The following SLC6A4 variants were observed in gnomAD, a reference collection of about 807,000 sequenced individuals.
SLC6A4 encodes sodium-dependent serotonin transporter.
In SLC6A4, 22 loss-of-function variants were observed where a neutral mutation model predicts 73.4. The ratio of observed to expected loss-of-function variants is 0.30; its 90% CI spans 0.21 to 0.43. The LOEUF (loss-of-function observed/expected upper bound fraction) is 0.43. Among genes scored for constraint, SLC6A4 ranks in the 20% least tolerant of loss-of-function variants. The pLI, the probability that SLC6A4 is intolerant of heterozygous loss-of-function variation, is 1.00. For synonymous variants in SLC6A4, 270 were observed against 315.5 expected, an observed-to-expected ratio of 0.86 and a Z score of 1.53; for missense variants, 593 against 808.5, an observed-to-expected ratio of 0.73 and a Z score of 3.23.
In SLC6A4 at chr17:30,221,821, C is replaced by T. The variant is rs886052780; in HGVS notation, c.138G>A (p.Gly46=). The change falls in exon 3 of 15, where the codon GGG becomes GGA. Residue 46 remains glycine, a synonymous_variant. Coordinates refer to ENST00000650711, the MANE Select transcript of SLC6A4 (RefSeq NM_001045.6). ...CACCAGGACTTGGAACTGCTGAGTA[C>T]CCATTGGATATTTGCCCGGACTCCA... is the stretch of plus-strand genomic sequence containing the variant. ...DKVESGQISN[G]YSAVPSPGAG... is the part of the protein sequence containing the mutation. 1.9e-6 allele frequency: 3 copies of T among 1,614,188 alleles called. No homozygotes were observed. The highest frequency in any genetic ancestry group is 1.7e-6 in the Non-Finnish European group (2 of 1,180,036).
In SLC6A4 at chr17:30,218,290, A is replaced by G. The variant is rs752604553; in HGVS notation, c.526T>C (p.Tyr176His). 1 of 1,614,122 alleles carries G rather than the reference A, an allele frequency of 6.2e-7. No individual in the cohort carries two copies. Among genetic ancestry groups the G allele is most frequent in the Non-Finnish European group, 8.5e-7 (1 of 1,179,980 alleles). The change falls in exon 5 of 15, where the codon TAC becomes CAC. Residue 176 changes from tyrosine (Y) to histidine (H), a missense_variant. Coordinates refer to ENST00000650711, the MANE Select transcript of SLC6A4 (RefSeq NM_001045.6). The part of the protein sequence containing the change: ...CIIAFYIASY[Y>H]NTIMAWALYY... The stretch of plus-strand genomic sequence containing the variant: ...AGCGCCCAGGCCATGATGGTGTTGT[A>G]GTAGGAAGCAATGTAAAAGGCAATG...
At position 30,212,717 on chromosome 17, in the gene SLC6A4, C is replaced by T. The variant is rs756422354; in HGVS notation, c.1204+23G>A. On this transcript the variant is annotated intron_variant, in intron 9 of 14. Coordinates refer to ENST00000650711, the MANE Select transcript of SLC6A4 (RefSeq NM_001045.6). Reference sequence around the variant, plus strand: ...AAGCAACTCAGTAGGAGCAAGGGACCTGCATAGAACCCGAGGTCCTACCTG... The same window carrying T: ...AAGCAACTCAGTAGGAGCAAGGGACTTGCATAGAACCCGAGGTCCTACCTG... The T allele has an allele frequency of 2.5e-6, 4 of 1,612,856 alleles. No homozygotes were observed. The East Asian group carries it at 8.9e-5, about 36-fold the overall frequency.
chr17:30,205,521 C>G (rs1229423828), intron 13 of SLC6A4, among the ~76,000 whole-genome samples: 1 of 152,150 alleles, frequency 6.6e-6, no homozygotes, highest in Non-Finnish European at 1.5e-5. Flanking sequence ...TTCCAACAAC[C>G]CTCTCACTGA....
chr17:30,212,965 C>CA, intron 8 of SLC6A4, 98 bp from the exon 9 acceptor site: 1 of 1,332,052 alleles, frequency 7.5e-7, no homozygotes. Flanking sequence ...GACAGGGCGG[C>CA]CACAGCAAGG....
At chr17:30,205,101 G>A (rs2143013612) in intron 13 of SLC6A4, among the ~76,000 whole-genome samples, 1 of 152,320 alleles carries the variant, frequency 6.6e-6, no homozygotes, top group East Asian at 1.9e-4. Context: ...GAAGTACGAT[G>A]TACAAGTACA....
At chr17:30,221,562 C>T (rs562973706) in intron 3 of SLC6A4, 54 bp downstream of exon 3, 21 of 1,516,752 alleles carry the variant, frequency 1.4e-5, no homozygotes, top group Middle Eastern at 1.9e-4. Context: ...CAGCCCACTC[C>T]GGGTCACAGC....
intron 1 of SLC6A4, among the ~76,000 whole-genome samples, chr17:30,225,792 T>C (rs1906907028): frequency 6.6e-6 from 1 of 152,210 alleles, no homozygotes; most frequent in Non-Finnish European, 1.5e-5. Flanking sequence ...GGGGTGCAGT[T>C]GACCAGCCAA....
chr17:30,223,375 G>A (rs989202736), intron 1 of SLC6A4, among the ~76,000 whole-genome samples: 2 of 152,156 alleles, frequency 1.3e-5, no homozygotes, highest in African/African-American at 4.8e-5. Context: ...TAGAAATGGC[G>A]CATGGATGTC....
rs56245315 is a variant in SLC6A4, at chr17:30,224,739, G to A, written c.-220-1824C>T. ...AGTGAGCAGTTACCCTCCTGCCTCA[G>A]GGGCCAAATGATTTGTTCTGGATTT... On this transcript the variant is annotated intron_variant, in intron 1 of 14. Coordinates refer to ENST00000650711, the MANE Select transcript of SLC6A4 (RefSeq NM_001045.6). Among the ~76,000 whole-genome samples, 161 of 152,298 alleles carry A rather than the reference G, an allele frequency of 1.1e-3. No individual in the cohort carries two copies. The East Asian group carries it at 0.02, about 19-fold the overall frequency.
chr17:30,203,214 A>G lies in SLC6A4; in HGVS notation c.1776T>C (p.Tyr592=), dbSNP rs1906087695. 6.2e-7 allele frequency: 1 copy of G among 1,613,992 alleles called. No homozygotes were observed. The highest frequency in any genetic ancestry group is 8.5e-7 in the Non-Finnish European group (1 of 1,179,818). ...GTSSFICIPT[Y]IAYRLIITPG... ...GAGTGATGATCAACCGATAAGCTAT[A>G]TATGTGGGGATGCAAATGAAAGATG... Residue 592 remains tyrosine, a synonymous_variant, in exon 14 of 15, where the codon TAT becomes TAC. Coordinates refer to ENST00000650711, the MANE Select transcript of SLC6A4 (RefSeq NM_001045.6).
At chr17:30,217,530 T>A (rs1386116987) in intron 5 of SLC6A4, among the ~76,000 whole-genome samples, 1 of 152,194 alleles carries the variant, frequency 6.6e-6, no homozygotes, top group African/African-American at 2.4e-5. Context: ...AAAGGCAGAC[T>A]TCCTGGATTC....
At chr17:30,234,377 C>T (rs1473166462) in intron 1 of SLC6A4, among the ~76,000 whole-genome samples, 2 of 152,080 alleles carry the variant, frequency 1.3e-5, no homozygotes, top group Admixed American at 1.3e-4. Context: ...GAGGAAAAAC[C>T]CATGCCCCAA....
chr17:30,205,593 C>A (rs1906167420), intron 13 of SLC6A4, among the ~76,000 whole-genome samples: 1 of 152,132 alleles, frequency 6.6e-6, no homozygotes, highest in Non-Finnish European at 1.5e-5. Context: ...AATGCATCAG[C>A]AAGCTGATAA....
chr17:30,218,407 G>T, intron 4 of SLC6A4, 70 bp from the exon 5 acceptor site: 1 of 1,251,166 alleles, frequency 8.0e-7, no homozygotes, highest in South Asian at 1.3e-5. Flanking sequence ...AGGCTGAAAC[G>T]GGGCACTGGA....
intron 8 of SLC6A4, among the ~76,000 whole-genome samples, chr17:30,213,630 C>A (rs1212186897): frequency 1.3e-5 from 2 of 152,124 alleles, no homozygotes; most frequent in East Asian, 3.8e-4. Context: ...TCCCTCCCAC[C>A]TTTAAAAAAA....
In SLC6A4 at chr17:30,221,995, C is replaced by T. The variant is rs1250382469; in HGVS notation, c.-37G>A. 1 of 1,613,518 alleles carries T rather than the reference C, an allele frequency of 6.2e-7. No homozygotes were observed. The highest frequency in any genetic ancestry group is 2.2e-5 in the East Asian group (1 of 44,880). On this transcript the variant is annotated 5_prime_UTR_variant, in exon 3 of 15. Transcript: ENST00000650711. ...GTAAATGACACTGATGTCCATCTGCCAAGGATCCCAATTGATCTCTGGGTG... is the reference window on the plus strand; with the variant it reads ...GTAAATGACACTGATGTCCATCTGCTAAGGATCCCAATTGATCTCTGGGTG...
At chr17:30,203,065 T>C in intron 14 of SLC6A4, 107 bp downstream of exon 14, 1 of 900,492 alleles carries the variant, frequency 1.1e-6, no homozygotes. Flanking sequence ...TAGGGTTGCA[T>C]GCCTCCTGGT....
Position 30,222,081 on chromosome 17 carries a change from T to A in SLC6A4, c.-123A>T, listed in dbSNP as rs1906782666. 18 of 1,560,320 alleles carry A rather than the reference T, an allele frequency of 1.2e-5. No individual in the cohort carries two copies. The highest frequency in any genetic ancestry group is 1.6e-5 in the Non-Finnish European group (18 of 1,151,236). On this transcript the variant is annotated splice_region_variant and 5_prime_UTR_variant, in exon 3 of 15. Transcript: ENST00000650711. ...TCGGGATTGACACGTCGGGATTGAC[T>A]CTGTTGGAAAGACACACAGAGGAAG...
chr17:30,226,132 G>A lies in SLC6A4; in HGVS notation c.-220-3217C>T, dbSNP rs117109119. Among the ~76,000 whole-genome samples, 10 of 152,264 alleles carry A rather than the reference G, an allele frequency of 6.6e-5. No individual in the cohort carries two copies. In the East Asian group the frequency reaches 1.9e-3, roughly 29 times the overall value. On this transcript the variant is annotated intron_variant, in intron 1 of 14. Coordinates refer to ENST00000650711, the MANE Select transcript of SLC6A4 (RefSeq NM_001045.6). The stretch of plus-strand genomic sequence containing the variant: ...AAGATCAAAGTGAGTTCATTTCTCA[G>A]GAAACTCAACTTTCTTTCTCAAAAC...
Sources: gnomAD v4.1 joint callset for allele counts (sites outside exome capture counted in the v4.1 genomes callset) on GRCh38, gnomAD v4.1.1 for gene constraint, MANE v1.5 for transcripts, NCBI Gene and HGNC (gene_info 2026-07-23, HGNC 2026-07-21) for gene names.